The following AGBL1 variants were observed in gnomAD, a reference collection of about 807,000 sequenced individuals.
The protein encoded by AGBL1 is cytosolic carboxypeptidase 4.
In AGBL1, 130 loss-of-function variants were observed where a neutral mutation model predicts 118.9. The ratio of observed to expected loss-of-function variants is 1.09; its 90% CI spans 0.95 to 1.26. AGBL1 has a LOEUF of 1.26. Ranked by LOEUF, AGBL1 falls within the 50% of genes most tolerant of loss-of-function variation. The probability of loss-of-function intolerance (pLI) is 0.00; values close to 1 mark genes in which losing one functional copy is unlikely to be tolerated. For synonymous variants in AGBL1, 555 were observed against 478.9 expected (o/e 1.16, Z -2.08); for missense variants, 1,584 against 1,298.1 (o/e 1.22, Z -3.38).
At chr15:86,338,856 G>A (rs2080416259) in intron 17 of AGBL1, among the ~76,000 whole-genome samples, 1 of 152,102 alleles carries the variant, frequency 6.6e-6, no homozygotes, top group African/African-American at 2.4e-5. Flanking sequence ...TCAATGCTAG[G>A]AGGACAGCAC....
At chr15:86,795,980 G>C (rs1028877012) in intron 22 of AGBL1, among the ~76,000 whole-genome samples, 1 of 151,852 alleles carries the variant, frequency 6.6e-6, no homozygotes, top group African/African-American at 2.4e-5. Flanking sequence ...ACTGTGTTAG[G>C]AACCCAACAC....
rs74491557 is a variant in AGBL1, at chr15:86,593,434, T to C, written c.2994+38897T>C. On this transcript the variant is annotated intron_variant, in intron 21 of 22. Transcript: ENST00000614907. ...GCAGTTATTTAACCATGAGAGCATATGGATATCTCCAGCTTAACACTAAAG... is the reference window on the plus strand; with the variant it reads ...GCAGTTATTTAACCATGAGAGCATACGGATATCTCCAGCTTAACACTAAAG... Among the ~76,000 whole-genome samples, 1,069 of 152,252 alleles carry C rather than the reference T, an allele frequency of 7.0e-3. 13 individuals are homozygous for C. Among genetic ancestry groups the C allele is most frequent in the African/African-American group, 0.019 (803 of 41,548 alleles).
At chr15:86,725,304 T>C (rs2086802902) in intron 22 of AGBL1, among the ~76,000 whole-genome samples, 1 of 152,188 alleles carries the variant, frequency 6.6e-6, no homozygotes, top group African/African-American at 2.4e-5. Context: ...AGAGACATGG[T>C]CTAGATGTTA....
At chr15:86,472,080 G>T (rs947621821) in intron 18 of AGBL1, among the ~76,000 whole-genome samples, 3 of 152,174 alleles carry the variant, frequency 2.0e-5, no homozygotes, top group African/African-American at 7.2e-5. Flanking sequence ...CCAGGAGCTG[G>T]CAGCAGCAAG....
intron 7 of AGBL1, 41 bp from the exon 8 acceptor site, chr15:86,256,812 G>T (rs921889265): frequency 7.5e-6 from 12 of 1,603,434 alleles, no homozygotes; most frequent in Non-Finnish European, 8.5e-6. Context: ...AGGGGACTGT[G>T]CCCAGATGTT....
At chr15:86,457,683 T>C (rs2082278256) in intron 18 of AGBL1, among the ~76,000 whole-genome samples, 1 of 152,216 alleles carries the variant, frequency 6.6e-6, no homozygotes. Context: ...CCAAGAGATA[T>C]ATCTTCCCAG....
intron 18 of AGBL1, among the ~76,000 whole-genome samples, chr15:86,512,654 T>G (rs1596208432): frequency 1.3e-5 from 2 of 151,832 alleles, no homozygotes; most frequent in East Asian, 3.8e-4. Context: ...TTTCAGAAAC[T>G]ACTATTATTC....
intron 23 of AGBL1, among the ~76,000 whole-genome samples, chr15:86,940,488 TATA>T (rs2080736730): frequency 6.6e-6 from 1 of 152,142 alleles, no homozygotes. Flanking sequence ...ATACCTGGCA[TATA>T]ATGTTGACCA....
intron 22 of AGBL1, among the ~76,000 whole-genome samples, chr15:86,818,095 C>CGTGT (rs2078890680): frequency 6.6e-6 from 1 of 150,976 alleles, no homozygotes; most frequent in South Asian, 2.1e-4. Flanking sequence ...TTTGTGTGTG[C>CGTGT]GTGTGCGTGT....
intron 24 of AGBL1, among the ~76,000 whole-genome samples, chr15:86,994,474 ACT>A (rs566225312): frequency 2.4e-4 from 36 of 151,950 alleles, no homozygotes; most frequent in East Asian, 7.8e-4. Flanking sequence ...TAACTAAAAG[ACT>A]CTCTACCATA....
intron 18 of AGBL1, among the ~76,000 whole-genome samples, chr15:86,424,284 G>C (rs989888262): frequency 3.9e-5 from 6 of 152,124 alleles, no homozygotes; most frequent in African/African-American, 1.4e-4. Context: ...ACAAGCAATG[G>C]GGAAAGGATT....
At chr15:86,329,170 C>T (rs573441106) in intron 17 of AGBL1, among the ~76,000 whole-genome samples, 119 of 152,250 alleles carry the variant, frequency 7.8e-4, no homozygotes, top group African/African-American at 2.8e-3. Flanking sequence ...TTGCTGGGTG[C>T]CTACCCCAGC....
Position 86,522,802 on chromosome 15 carries a change from TC to T in AGBL1, c.2556-6del. The stretch of plus-strand genomic sequence containing the variant: ...GTGTATTTATTTGCTTATTATTTGT[TC>T]CTGTAGCCACAGATGCTCACTGAGC... On this transcript the variant is annotated splice_region_variant and splice_polypyrimidine_tract_variant and intron_variant, in intron 18 of 22. Coordinates refer to ENST00000614907, the MANE Select transcript of AGBL1 (RefSeq NM_001386094.1). The T allele has an allele frequency of 6.2e-7, 1 of 1,613,340 alleles. No homozygotes were observed.
At chr15:86,261,494 C>A (rs1231263553) in intron 9 of AGBL1, among the ~76,000 whole-genome samples, 1 of 152,186 alleles carries the variant, frequency 6.6e-6, no homozygotes, top group African/African-American at 2.4e-5. Flanking sequence ...TGGAACATTG[C>A]ATTTTTTTGC....
intron 23 of AGBL1, among the ~76,000 whole-genome samples, chr15:86,924,968 G>T (rs1596639955): frequency 6.6e-6 from 1 of 151,658 alleles, no homozygotes; most frequent in Non-Finnish European, 1.5e-5. Flanking sequence ...TGGGCATGGT[G>T]GTGGGCACCT....
intron 21 of AGBL1, among the ~76,000 whole-genome samples, chr15:86,626,842 T>C (rs1333285434): frequency 1.3e-5 from 2 of 149,258 alleles, no homozygotes; most frequent in East Asian, 2.0e-4. Flanking sequence ...TTTTCTTTTT[T>C]TTTTTTTTTT....
chr15:87,012,286 A>T (rs978550246), intron 24 of AGBL1, among the ~76,000 whole-genome samples: 1 of 151,868 alleles, frequency 6.6e-6, no homozygotes, highest in African/African-American at 2.4e-5. Flanking sequence ...ATCCAACAAG[A>T]ATGTAGTAAC....
chr15:87,014,224 A>G (rs1028945538), intron 24 of AGBL1, among the ~76,000 whole-genome samples: 1 of 152,160 alleles, frequency 6.6e-6, no homozygotes, highest in African/African-American at 2.4e-5. Context: ...CTTCATCATC[A>G]CAATATATAT....
At position 86,569,369 on chromosome 15, in the gene AGBL1, C is replaced by T. The variant is rs369004956; in HGVS notation, c.2994+14832C>T. 1.5e-4 allele frequency among the ~76,000 whole-genome samples: 22 copies of T among 150,012 alleles called. 1 individual carries two copies. The highest frequency in any genetic ancestry group is 5.4e-4 in the African/African-American group (22 of 40,784). ...AACTGAGATCATGTCACTGCACTCC[C>T]AGGCAACAGAGCAAGACCTGTCTCA... On this transcript the variant is annotated intron_variant, in intron 21 of 22. Transcript: ENST00000614907.
Sources: gnomAD v4.1 joint callset for allele counts (sites outside exome capture counted in the v4.1 genomes callset) on GRCh38, gnomAD v4.1.1 for gene constraint, MANE v1.5 for transcripts, NCBI Gene and HGNC (gene_info 2026-07-23, HGNC 2026-07-21) for gene names.